The following TTC19 variants were observed in gnomAD, a reference collection of about 807,000 sequenced individuals.
TTC19 encodes the protein tetratricopeptide repeat protein 19, mitochondrial.
Under a neutral mutation model 49.5 loss-of-function variants are expected in TTC19, and 38 were observed. The observed-to-expected ratio is 0.77, with a 90% CI of 0.59 to 1.01. TTC19 has a LOEUF of 1.01. Ranked by LOEUF, TTC19 falls within the 50% of genes least tolerant of loss-of-function variation. The pLI, the probability that TTC19 is intolerant of heterozygous loss-of-function variation, is 0.00. For synonymous variants in TTC19, 204 were observed against 185.2 expected (o/e 1.10, Z -0.83); for missense variants, 475 against 477.7 (o/e 0.99, Z 0.05).
chr17:16,000,502 CA>C (rs1970691588), intron 2 of TTC19: 1 of 1,015,992 alleles, frequency 9.8e-7, no homozygotes, highest in African/African-American at 1.7e-5. Flanking sequence ...ACGCTTTATG[CA>C]AACGAAATAT....
At chr17:16,026,221 G>A (rs1971552712) in intron 8 of TTC19, among the ~76,000 whole-genome samples, 1 of 152,178 alleles carries the variant, frequency 6.6e-6, no homozygotes, top group African/African-American at 2.4e-5. Flanking sequence ...AGCCTTAAAG[G>A]AGATAATATG....
Position 16,028,370 on chromosome 17 carries a change from G to A in TTC19, c.*848G>A, listed in dbSNP as rs1228839811. 4.4e-6 allele frequency: 2 copies of A among 454,088 alleles called. No individual in the cohort carries two copies. The highest frequency in any genetic ancestry group is 4.4e-6 in the Non-Finnish European group (1 of 226,786). The allele number at this position is 454,088 out of a possible 1,614,324, so 28.1% of individuals were successfully genotyped here. The stretch of plus-strand genomic sequence containing the variant: ...TTAAAACTCTTCGTAATTCTAATGT[G>A]TACTGCTGGTATAGCTGAACTACTG... On this transcript the variant is annotated 3_prime_UTR_variant, in exon 10 of 10. Transcript: ENST00000261647.
intron 7 of TTC19, among the ~76,000 whole-genome samples, chr17:16,012,982 C>T (rs929474865): frequency 2.6e-5 from 4 of 152,118 alleles, no homozygotes; most frequent in East Asian, 1.9e-4. Flanking sequence ...GTGGGAGGAT[C>T]GCTTGAGCCT....
At chr17:16,037,639 C>T (rs1305711408) in intron 2 of TTC19, among the ~76,000 whole-genome samples, 1 of 152,096 alleles carries the variant, frequency 6.6e-6, no homozygotes, top group Non-Finnish European at 1.5e-5. Context: ...TAATGACCAA[C>T]CCCCCTTTCC....
rs962536356 is a variant in TTC19 at position 16,004,454 on chromosome 17, A to G, written c.581+192A>G. Reference sequence around the variant, plus strand: ...CCCTACTGTTTCCATCAGCCTGCCTAGTGGGGCACACAACATCTCTGGCTG... The same window carrying G: ...CCCTACTGTTTCCATCAGCCTGCCTGGTGGGGCACACAACATCTCTGGCTG... On this transcript the variant is annotated intron_variant, in intron 6 of 9. Transcript: ENST00000261647. Among the ~76,000 whole-genome samples the G allele has an allele frequency of 1.7e-4, 26 of 152,164 alleles. No homozygotes were observed. Among genetic ancestry groups the G allele is most frequent in the Non-Finnish European group, 2.5e-4 (17 of 68,026 alleles).
At chr17:16,001,367 C>G (rs757703181) in intron 2 of TTC19, among the ~76,000 whole-genome samples, 6 of 152,152 alleles carry the variant, frequency 3.9e-5, no homozygotes, top group Non-Finnish European at 7.3e-5. Flanking sequence ...CAAAACCATT[C>G]TCTTCAGCTT....
At chr17:16,043,931 A>T (rs2058192509) in intron 2 of TTC19, among the ~76,000 whole-genome samples, 1 of 152,190 alleles carries the variant, frequency 6.6e-6, no homozygotes, top group African/African-American at 2.4e-5. Flanking sequence ...ACACTTTGGG[A>T]TGCTGAGGTG....
At chr17:16,037,098 G>A (rs894182095) in intron 2 of TTC19, among the ~76,000 whole-genome samples, 1 of 152,172 alleles carries the variant, frequency 6.6e-6, no homozygotes. Context: ...TTTGAATATT[G>A]TTGTGTGTCA....
chr17:16,018,969 C>T (rs1471207869), intron 7 of TTC19, among the ~76,000 whole-genome samples: 2 of 152,180 alleles, frequency 1.3e-5, no homozygotes, highest in Non-Finnish European at 1.5e-5. Context: ...ACCCTTCCCT[C>T]CCTGCCTAGG....
In TTC19 at chr17:16,027,124, A is replaced by G. The variant is rs1017323828; in HGVS notation, c.995-250A>G. On this transcript the variant is annotated intron_variant, in intron 9 of 9. Coordinates refer to ENST00000261647, the MANE Select transcript of TTC19 (RefSeq NM_017775.4). ...AAACCTGGGATGACAGGTGTATTAC[A>G]CATACCACCATTCATGAAATCTTGG... 9.1e-6 allele frequency: 5 copies of G among 551,326 alleles called. 1 individual carries two copies. Among genetic ancestry groups the G allele is most frequent in the East Asian group, 3.2e-5 (1 of 31,604 alleles). The allele number at this position is 551,326 out of a possible 1,614,324, so 34.2% of individuals were successfully genotyped here.
At chr17:16,031,421 A>C, downstream of TTC19, 1 of 193,008 alleles carries the variant, frequency 5.2e-6, no homozygotes, top group Non-Finnish European at 1.1e-5. Context: ...AGGGTAGTCA[A>C]ATTTATTTCA....
At chr17:16,000,746 A>C (rs1970701194) in intron 2 of TTC19, among the ~76,000 whole-genome samples, 1 of 152,016 alleles carries the variant, frequency 6.6e-6, no homozygotes, top group South Asian at 2.1e-4. Context: ...ACAACGTCCA[A>C]ATTTGTATTT....
intron 7 of TTC19, among the ~76,000 whole-genome samples, chr17:16,012,209 C>T (rs1352063068): frequency 6.6e-6 from 1 of 152,068 alleles, no homozygotes; most frequent in East Asian, 1.9e-4. Context: ...TGAGAATTGG[C>T]GAGGGACAGT....
In TTC19 at chr17:16,027,817, T is replaced by G. The variant is rs755348301; in HGVS notation, c.*295T>G. 9 of 505,944 alleles carry G rather than the reference T, an allele frequency of 1.8e-5. No individual in the cohort carries two copies. Among genetic ancestry groups the G allele is most frequent in the Middle Eastern group, 5.7e-4 (1 of 1,760 alleles). The allele number at this position is 505,944 out of a possible 1,614,324, so 31.3% of individuals were successfully genotyped here. ...GTCTAAGTAGAACTGTAGATTCATATGGGCTGGTGTTCCTGTGCGCTGTGG... is the reference window on the plus strand; with the variant it reads ...GTCTAAGTAGAACTGTAGATTCATAGGGGCTGGTGTTCCTGTGCGCTGTGG... On this transcript the variant is annotated 3_prime_UTR_variant, in exon 10 of 10. Transcript: ENST00000261647.
intron 7 of TTC19, among the ~76,000 whole-genome samples, chr17:16,015,024 C>T (rs539662753): frequency 1.3e-5 from 2 of 152,200 alleles, no homozygotes; most frequent in Admixed American, 6.5e-5. Context: ...ATGTAACTTG[C>T]GTTTCTTATG....
chr17:16,012,241 C>A (rs543435430), intron 7 of TTC19, among the ~76,000 whole-genome samples: 4 of 152,204 alleles, frequency 2.6e-5, no homozygotes, highest in Admixed American at 2.6e-4. Context: ...GTAATCCCAG[C>A]ACTTTGGGAG....
chr17:16,009,973 G>A (rs1221427983), intron 7 of TTC19, among the ~76,000 whole-genome samples: 1 of 151,488 alleles, frequency 6.6e-6, no homozygotes, highest in Non-Finnish European at 1.5e-5. Context: ...AGGTTTATAG[G>A]GAATTTATAT....
intron 9 of TTC19, 64 bp from the exon 10 acceptor site, chr17:16,027,310 C>T: frequency 3.1e-6 from 5 of 1,593,138 alleles, no homozygotes; most frequent in Non-Finnish European, 4.3e-6. Context: ...CATGCTCTCT[C>T]TTCAGAATCA....
intron 2 of TTC19, among the ~76,000 whole-genome samples, chr17:16,042,023 C>T (rs534721235): frequency 2.8e-4 from 43 of 152,228 alleles, no homozygotes; most frequent in African/African-American, 8.9e-4. Flanking sequence ...TGTGAGCCAC[C>T]GTGCCCGGCC....
Sources: gnomAD v4.1 joint callset for allele counts (sites outside exome capture counted in the v4.1 genomes callset) on GRCh38, gnomAD v4.1.1 for gene constraint, MANE v1.5 for transcripts, NCBI Gene and HGNC (gene_info 2026-07-23, HGNC 2026-07-21) for gene names.